Variants in ZFHX3 observed in about 807,000 individuals in gnomAD.
ZFHX3 encodes zinc finger homeobox protein 3.
A neutral mutation model predicts 279.1 loss-of-function variants in ZFHX3; 42 were observed. The observed-to-expected ratio is 0.15, with a 90% confidence interval of 0.12 to 0.19. The LOEUF is 0.19. Ranked by LOEUF, ZFHX3 falls within the 10% of genes least tolerant of loss-of-function variation. The pLI is 1.00. For missense variants in ZFHX3, 4,981 were observed against 4,754.0 expected (o/e 1.05, Z -1.40); for synonymous variants, 2,293 against 1,957.8 (o/e 1.17, Z -4.52).
upstream of ZFHX3, among the ~76,000 whole-genome samples, chr16:73,060,027 A>G (rs774992115): frequency 6.6e-6 from 1 of 152,172 alleles, no homozygotes; most frequent in Non-Finnish European, 1.5e-5. Flanking sequence ...AGTAAAATCA[A>G]TTTTCTCGTG....
chr16:73,516,859 G>A (rs533631379), intron 2 of ZFHX3, among the ~76,000 whole-genome samples: 19 of 152,290 alleles, frequency 1.2e-4, no homozygotes, highest in Admixed American at 2.6e-4. Context: ...TCTCCCCACC[G>A]TGGGGCTCAT....
rs79939074 is a variant in ZFHX3, at chr16:72,888,695, A to G, written c.3448+1036T>C. Among the ~76,000 whole-genome samples, 152 of 152,340 alleles carry G rather than the reference A, an allele frequency of 1.0e-3. 3 individuals carry two copies. In the East Asian group the frequency reaches 0.027, roughly 27 times the overall value. ...GAGCTTCAAGAAAGGGCTGGGCAAC[A>G]ATTTCAAACATTGCAGAAAGAAAAC... On this transcript the variant is annotated intron_variant, in intron 4 of 9. Coordinates refer to ENST00000268489, the MANE Select transcript of ZFHX3 (RefSeq NM_006885.4).
intron 5 of ZFHX3, among the ~76,000 whole-genome samples, chr16:73,150,196 G>C (rs922752792): frequency 1.3e-5 from 2 of 152,188 alleles, no homozygotes; most frequent in African/African-American, 4.8e-5. Flanking sequence ...ACCACAGACT[G>C]GTTCAGGTTG....
chr16:73,303,963 GAAAAAAAAAAA>G (rs201865011), intron 4 of ZFHX3, among the ~76,000 whole-genome samples: 47 of 76,130 alleles, frequency 6.2e-4, no homozygotes, highest in Admixed American at 1.5e-3. Context: ...ACCCTAGGTG[GAAAAAAAAAAA>G]AAAAAAAAAA....
chr16:73,174,336 G>A (rs974063979), intron 5 of ZFHX3, among the ~76,000 whole-genome samples: 6 of 152,056 alleles, frequency 3.9e-5, no homozygotes, highest in African/African-American at 1.2e-4. Flanking sequence ...CTGCCAAACC[G>A]CAACATGCAG....
Position 73,282,595 on chromosome 16 carries a change from A to T in ZFHX3, c.-1193-25459T>A, listed in dbSNP as rs1465579404. Among the ~76,000 whole-genome samples, 5 of 152,312 alleles carry T rather than the reference A, an allele frequency of 3.3e-5. No individual in the cohort carries two copies. In the East Asian group the frequency reaches 9.6e-4, roughly 29 times the overall value. ...TCTTTTGTTTTCTGCACTCACTACG[A>T]TTAAATTAAGCCTTTTCTTTATATC... On this transcript the variant is annotated intron_variant, in intron 4 of 17. Coordinates refer to the ZFHX3 transcript ENST00000641206.
At chr16:73,260,153 T>G (rs1342451755) in intron 4 of ZFHX3, among the ~76,000 whole-genome samples, 15 of 152,156 alleles carry the variant, frequency 9.9e-5, no homozygotes, top group Non-Finnish European at 2.1e-4. Context: ...ATATCCCTCA[T>G]TTTAGGTTTG....
intron 2 of ZFHX3, chr16:73,483,377 A>G (rs2018908064): frequency 2.2e-6 from 1 of 454,240 alleles, no homozygotes. Context: ...GAGTTCCTCA[A>G]GAGAGCCGGG....
chr16:73,714,975 T>G (rs1485657667), intron 1 of ZFHX3, among the ~76,000 whole-genome samples: 1 of 152,224 alleles, frequency 6.6e-6, no homozygotes, highest in African/African-American at 2.4e-5. Context: ...TCTCTCTCTC[T>G]GAGAATCGTT....
chr16:73,527,356 G>A (rs950619848), intron 2 of ZFHX3, among the ~76,000 whole-genome samples: 1 of 152,140 alleles, frequency 6.6e-6, no homozygotes, highest in African/African-American at 2.4e-5. Context: ...TTTGAGACAG[G>A]TTGTGTCTAT....
In ZFHX3 at chr16:72,787,723, C is replaced by CCGT; in HGVS notation, c.10552_10553insACG (p.Gly3517_Gly3518insAsp). ...GCCGCCGCCGCCGCCGCCGCCACCGCCGCCGCCGCCGCCACTGCCACCGCC... is the reference window on the plus strand; with the variant it reads ...GCCGCCGCCGCCGCCGCCGCCACCGCCGTCGCCGCCGCCGCCACTGCCACCGCC... On this transcript the variant is annotated inframe_insertion, in exon 10 of 10. Coordinates refer to ENST00000268489, the MANE Select transcript of ZFHX3 (RefSeq NM_006885.4). 1.4e-6 allele frequency: 2 copies of CCGT among 1,380,900 alleles called. No individual in the cohort carries two copies. Among genetic ancestry groups the CCGT allele is most frequent in the Non-Finnish European group, 1.9e-6 (2 of 1,068,252 alleles). 85.5% of individuals were successfully genotyped at this position (1,380,900 alleles called of 1,614,324 possible).
At chr16:73,321,553 T>A (rs1429970004) in intron 3 of ZFHX3, among the ~76,000 whole-genome samples, 2 of 152,150 alleles carry the variant, frequency 1.3e-5, no homozygotes, top group Non-Finnish European at 2.9e-5. Context: ...GACAAAAACG[T>A]GACTTTCAGA....
chr16:73,748,589 G>A (rs866811501), intron 1 of ZFHX3, among the ~76,000 whole-genome samples: 18 of 152,092 alleles, frequency 1.2e-4, no homozygotes, highest in Middle Eastern at 3.4e-3. Flanking sequence ...TCTTCCCAAC[G>A]TCTCTACCTA....
In ZFHX3 at chr16:72,784,119, G is replaced by A. The variant is rs576282328; in HGVS notation, c.*3045C>T. On this transcript the variant is annotated 3_prime_UTR_variant, in exon 10 of 10. Transcript: ENST00000268489. ...CACATAACCCCTCTGAGAACACTAGGTGGGTGGAAGTGTGCTCAGCCAATC... is the reference window on the plus strand; with the variant it reads ...CACATAACCCCTCTGAGAACACTAGATGGGTGGAAGTGTGCTCAGCCAATC... The A allele has an allele frequency of 6.6e-5, 10 of 152,664 alleles. No individual in the cohort carries two copies. The highest frequency in any genetic ancestry group is 6.5e-5 in the Admixed American group (1 of 15,292). The allele number at this position is 152,664 out of a possible 1,614,324, so 9.5% of individuals were successfully genotyped here.
At chr16:73,330,321 A>G (rs2015776210) in intron 3 of ZFHX3, among the ~76,000 whole-genome samples, 1 of 152,194 alleles carries the variant, frequency 6.6e-6, no homozygotes, top group South Asian at 2.1e-4. Context: ...GTTAATGAAT[A>G]TAGTTATTGG....
intron 4 of ZFHX3, among the ~76,000 whole-genome samples, chr16:73,291,581 C>A (rs901591119): frequency 2.6e-5 from 4 of 152,196 alleles, no homozygotes; most frequent in African/African-American, 9.7e-5. Context: ...ATTAGAAAGC[C>A]TGAAGTGTGA....
chr16:73,604,158 G>A (rs1320937409), intron 2 of ZFHX3, among the ~76,000 whole-genome samples: 1 of 151,974 alleles, frequency 6.6e-6, no homozygotes, highest in East Asian at 1.9e-4. Context: ...TATATAGATA[G>A]ATATAGATAT....
At chr16:73,335,290 T>C (rs901883196) in intron 3 of ZFHX3, among the ~76,000 whole-genome samples, 5 of 152,158 alleles carry the variant, frequency 3.3e-5, no homozygotes, top group African/African-American at 1.2e-4. Context: ...ATGACTTCGA[T>C]TTTTCCAGAA....
chr16:73,539,176 G>C (rs147964949), intron 2 of ZFHX3, among the ~76,000 whole-genome samples: 5 of 151,464 alleles, frequency 3.3e-5, no homozygotes, highest in Non-Finnish European at 5.9e-5. Context: ...AATTGAACAA[G>C]GGTATCTATG....
Sources: allele counts gnomAD v4.1 joint callset (sites outside exome capture counted in the v4.1 genomes callset), GRCh38; gene constraint gnomAD v4.1.1; transcripts MANE v1.5; gene names NCBI Gene and HGNC (gene_info 2026-07-23, HGNC 2026-07-21).